AVEN: variants seen among roughly 807,000 people sequenced by gnomAD.
The protein encoded by AVEN is cell death regulator Aven.
Under a neutral mutation model 38.1 loss-of-function variants are expected in AVEN, and 41 were observed. That is an observed-to-expected ratio of 1.08 (90% CI 0.84 to 1.40). AVEN has a LOEUF of 1.40. Ranked by LOEUF, AVEN falls within the 40% of genes most tolerant of loss-of-function variation. The pLI, the probability that AVEN is intolerant of heterozygous loss-of-function variation, is 0.00. For synonymous variants in AVEN, 206 were observed against 171.8 expected, an observed-to-expected ratio of 1.20 and a Z score of -1.56; for missense variants, 605 against 438.8, an observed-to-expected ratio of 1.38 and a Z score of -3.38.
intron 5 of AVEN, among the ~76,000 whole-genome samples, chr15:34,047,049 T>C (rs1466874902): frequency 2.0e-5 from 3 of 149,838 alleles, no homozygotes; most frequent in African/African-American, 7.3e-5. Flanking sequence ...CTAGCAGGGC[T>C]TTTTTGTTTT....
downstream of AVEN, chr15:33,865,109 C>T (rs762707943): frequency 2.5e-6 from 4 of 1,578,214 alleles, no homozygotes; most frequent in South Asian, 3.3e-5. Flanking sequence ...AAAATAAGCA[C>T]CCGTTGTTCA....
In AVEN at chr15:33,867,860, A is replaced by C; in HGVS notation, c.613-5T>G. The C allele has an allele frequency of 1.3e-6, 2 of 1,556,602 alleles. No individual in the cohort carries two copies. The highest frequency in any genetic ancestry group is 1.7e-6 in the Non-Finnish European group (2 of 1,157,198). Reference sequence around the variant, plus strand: ...AACCTCTAAAGGAACTGTACCCTGAAAGAGAAGTATAAAAACTGAGTTAAA... The same window carrying C: ...AACCTCTAAAGGAACTGTACCCTGACAGAGAAGTATAAAAACTGAGTTAAA... On this transcript the variant is annotated splice_polypyrimidine_tract_variant and splice_region_variant and intron_variant, in intron 4 of 5. Transcript: ENST00000306730.
intron 2 of AVEN, among the ~76,000 whole-genome samples, chr15:33,949,165 A>G (rs1169343622): frequency 1.3e-5 from 2 of 152,058 alleles, no homozygotes; most frequent in African/African-American, 4.8e-5. Flanking sequence ...CTGGGACTAC[A>G]GGCACCCGCC....
rs1900438319 is a variant in AVEN at position 34,063,950 on chromosome 15, G to A, written n.1127-518C>T. On this transcript the variant is annotated intron_variant and non_coding_transcript_variant, in intron 4 of 11. Coordinates refer to the AVEN transcript ENST00000675287. The surrounding 1 kb of genome is among the most constrained non-coding windows in gnomAD (Gnocchi z 4.1). ...TGCCCTGCCCCTTCCCAGTGGCCAA[G>A]GAACCTTCAACGAAAGGCCTCAATC... 6.2e-7 allele frequency: 1 copy of A among 1,614,132 alleles called. No homozygotes were observed. Among genetic ancestry groups the A allele is most frequent in the African/African-American group, 1.3e-5 (1 of 75,028 alleles).
intron 1 of AVEN, among the ~76,000 whole-genome samples, chr15:34,024,924 TG>T (rs1898385656): frequency 6.6e-6 from 1 of 151,856 alleles, no homozygotes; most frequent in Non-Finnish European, 1.5e-5. Flanking sequence ...GGCTCACACC[TG>T]TAATCCTAGC....
downstream of AVEN, among the ~76,000 whole-genome samples, chr15:33,863,678 G>T (rs975236937): frequency 6.6e-6 from 1 of 152,090 alleles, no homozygotes; most frequent in South Asian, 2.1e-4. Context: ...AGTTCTGGAA[G>T]AATCTCCATG....
intron 2 of AVEN, among the ~76,000 whole-genome samples, chr15:33,969,384 GTCTT>G (rs1161714572): frequency 6.6e-6 from 1 of 151,170 alleles, no homozygotes; most frequent in Non-Finnish European, 1.5e-5. Context: ...TCTCATCTTT[GTCTT>G]TATTTTTATC....
chr15:34,048,246 A>G (rs1002700188), intron 5 of AVEN, among the ~76,000 whole-genome samples: 11 of 151,582 alleles, frequency 7.3e-5, no homozygotes, highest in Admixed American at 1.3e-4. Flanking sequence ...GGGAGCTTCA[A>G]CCACTCCAGC....
chr15:33,878,525 A>G (rs1374763494), intron 2 of AVEN, among the ~76,000 whole-genome samples: 6 of 152,342 alleles, frequency 3.9e-5, no homozygotes, highest in South Asian at 2.1e-4. Context: ...TTAAGTGTTC[A>G]GAAAAAAAGG....
chr15:33,877,047 C>T (rs1891262806), intron 2 of AVEN, among the ~76,000 whole-genome samples: 1 of 152,082 alleles, frequency 6.6e-6, no homozygotes, highest in South Asian at 2.1e-4. Context: ...TGGTTGTTCT[C>T]AGAGAAAAAG....
chr15:33,940,390 G>A (rs1447900945), intron 2 of AVEN, among the ~76,000 whole-genome samples: 1 of 152,150 alleles, frequency 6.6e-6, no homozygotes, highest in African/African-American at 2.4e-5. Context: ...GTTGTGAAGT[G>A]CAAATACAAT....
chr15:33,913,228 T>C (rs1436876369), intron 2 of AVEN, among the ~76,000 whole-genome samples: 1 of 152,222 alleles, frequency 6.6e-6, no homozygotes, highest in East Asian at 1.9e-4. Flanking sequence ...GGAATTGTAT[T>C]CAATTAAGAG....
Position 33,868,013 on chromosome 15 carries a change from G to T in AVEN, c.613-158C>A, listed in dbSNP as rs148668649. Among the ~76,000 whole-genome samples, 10 of 152,164 alleles carry T rather than the reference G, an allele frequency of 6.6e-5. No homozygotes were observed. In the East Asian group the frequency reaches 9.6e-4, roughly 15 times the overall value. ...GGCTCCTTTCCAGGCCCTGGTGGGGGCACCCTTCCTGACATCTGGGGTAAA... is the reference window on the plus strand; with the variant it reads ...GGCTCCTTTCCAGGCCCTGGTGGGGTCACCCTTCCTGACATCTGGGGTAAA... On this transcript the variant is annotated intron_variant, in intron 4 of 5. Transcript: ENST00000306730.
intron 2 of AVEN, among the ~76,000 whole-genome samples, chr15:33,876,343 G>C (rs912138158): frequency 6.6e-6 from 1 of 152,088 alleles, no homozygotes; most frequent in Non-Finnish European, 1.5e-5. Flanking sequence ...AGGCTGAGGC[G>C]GGTGGATTAC....
intron 2 of AVEN, among the ~76,000 whole-genome samples, chr15:33,919,514 G>A (rs1360951658): frequency 6.6e-6 from 1 of 152,102 alleles, no homozygotes; most frequent in African/African-American, 2.4e-5. Flanking sequence ...ATCTACAAGG[G>A]TGAAGTCAAT....
At chr15:33,952,859 A>G (rs79147441) in intron 2 of AVEN, among the ~76,000 whole-genome samples, 6 of 122,232 alleles carry the variant, frequency 4.9e-5, no homozygotes, top group Admixed American at 4.2e-4. Flanking sequence ...GGCTAAAGAG[A>G]AAAAAAAAAA....
At chr15:33,985,691 C>A (rs1009288018) in intron 2 of AVEN, among the ~76,000 whole-genome samples, 2 of 152,050 alleles carry the variant, frequency 1.3e-5, no homozygotes, top group African/African-American at 4.8e-5. Flanking sequence ...GCATGATACA[C>A]CTGATTCCTT....
intron 2 of AVEN, among the ~76,000 whole-genome samples, chr15:33,955,471 T>C (rs1471084433): frequency 6.6e-6 from 1 of 152,200 alleles, no homozygotes; most frequent in Admixed American, 6.5e-5. Flanking sequence ...AAAACTATAA[T>C]GTACCACACA....
chr15:33,960,096 G>A (rs1244071151), intron 2 of AVEN, among the ~76,000 whole-genome samples: 2 of 152,158 alleles, frequency 1.3e-5, no homozygotes, highest in Non-Finnish European at 1.5e-5. Context: ...AAGGGACCGT[G>A]ATCAGATATG....
Sources: gnomAD v4.1 joint callset for allele counts (sites outside exome capture counted in the v4.1 genomes callset) on GRCh38, gnomAD v4.1.1 for gene constraint, Gnocchi (gnomAD v3.1) non-coding constraint, MANE v1.5 for transcripts, NCBI Gene and HGNC (gene_info 2026-07-23, HGNC 2026-07-21) for gene names.